CACNB4: variants seen among roughly 807,000 people sequenced by gnomAD.
The protein encoded by CACNB4 is voltage-dependent L-type calcium channel subunit beta-4.
CACNB4 carries 32 observed loss-of-function variants against 71.2 expected under a neutral mutation model. That is an observed-to-expected ratio of 0.45 (90% confidence interval 0.34 to 0.60). The LOEUF (loss-of-function observed/expected upper bound fraction) is 0.60, where lower values mean the gene tolerates loss of function less well. Ranked by LOEUF, CACNB4 falls within the 20% of genes least tolerant of loss-of-function variation. The pLI, the probability that CACNB4 is intolerant of heterozygous loss-of-function variation, is 0.01. For missense variants in CACNB4, 464 were observed against 647.9 expected (o/e 0.72, Z 3.08); for synonymous variants, 231 against 236.9 (o/e 0.97, Z 0.23).
intron 3 of CACNB4, among the ~76,000 whole-genome samples, 188 bp from the exon 4 acceptor site, chr2:151,881,110 C>T (rs2099847712): frequency 1.3e-5 from 2 of 152,136 alleles, no homozygotes; most frequent in South Asian, 2.1e-4. Context: ...GTCCTATCAG[C>T]CCAACCATTT....
intron 2 of CACNB4, among the ~76,000 whole-genome samples, chr2:152,039,429 A>G (rs976076813): frequency 6.6e-6 from 1 of 151,514 alleles, no homozygotes; most frequent in Non-Finnish European, 1.5e-5. Context: ...AAAAAAAAAA[A>G]GAATCTTACT....
intron 2 of CACNB4, among the ~76,000 whole-genome samples, chr2:152,011,160 A>T (rs549345871): frequency 1.3e-5 from 2 of 152,352 alleles, no homozygotes; most frequent in Admixed American, 1.3e-4. Context: ...GCATCTGTAC[A>T]GGTGAGAGCC....
chr2:152,045,564 T>G (rs1685104049), intron 2 of CACNB4, among the ~76,000 whole-genome samples: 1 of 152,056 alleles, frequency 6.6e-6, no homozygotes, highest in Non-Finnish European at 1.5e-5. Context: ...TGCCATTGAA[T>G]GTATACTTAA....
At chr2:151,924,228 A>G (rs1446483082) in intron 2 of CACNB4, among the ~76,000 whole-genome samples, 11 of 151,236 alleles carry the variant, frequency 7.3e-5, no homozygotes, top group Non-Finnish European at 1.0e-4. Context: ...ACAGGCGCCC[A>G]CTACCACTCC....
chr2:151,895,095 C>CA (rs1187125199), intron 2 of CACNB4, among the ~76,000 whole-genome samples: 949 of 11,098 alleles, frequency 0.086, 43 homozygotes, highest in African/African-American at 0.14. Context: ...CTCAAATAGC[C>CA]CCACACACAC....
chr2:151,932,853 G>T (rs548195820), intron 2 of CACNB4, among the ~76,000 whole-genome samples: 1 of 151,048 alleles, frequency 6.6e-6, no homozygotes, highest in African/African-American at 2.4e-5. Context: ...AAGGTGGGGG[G>T]TTGGGGAATT....
intron 2 of CACNB4, among the ~76,000 whole-genome samples, chr2:151,988,795 A>G (rs1681523086): frequency 1.3e-5 from 2 of 152,036 alleles, no homozygotes; most frequent in Admixed American, 1.3e-4. Context: ...CAAAGGCCCC[A>G]CCTCCCACTA....
chr2:152,089,058 C>T (rs951265715), intron 2 of CACNB4, among the ~76,000 whole-genome samples: 3 of 152,196 alleles, frequency 2.0e-5, no homozygotes, highest in South Asian at 4.1e-4. Context: ...TACAGTCCTA[C>T]CTCCCTGAGT....
chr2:151,934,786 G>A (rs888845623), intron 2 of CACNB4, among the ~76,000 whole-genome samples: 6 of 152,094 alleles, frequency 3.9e-5, no homozygotes. Context: ...GCAGTAAGCC[G>A]AGATCGCACC....
rs899022356 is a variant in CACNB4, at chr2:151,833,708, T to A, written c.*5411A>T. The A allele has an allele frequency of 6.6e-6, 1 of 152,076 alleles. No individual in the cohort carries two copies. The highest frequency in any genetic ancestry group is 1.5e-5 in the Non-Finnish European group (1 of 67,920). The allele number at this position is 152,076 out of a possible 1,614,324, so 9.4% of individuals were successfully genotyped here. A position where few individuals can be genotyped will look rare whatever the true frequency, so the allele number is the denominator to read the frequency against. On this transcript the variant is annotated 3_prime_UTR_variant, in exon 14 of 14. Coordinates refer to ENST00000539935, the MANE Select transcript of CACNB4 (RefSeq NM_000726.5). ...ACTTAGAACTAAATCGACATACTTT[T>A]AAAAAATATGACTGCCAAATTTAAC...
rs2099834266 is a variant in CACNB4, at chr2:151,833,614, T to C, written c.*5505A>G. On this transcript the variant is annotated 3_prime_UTR_variant, in exon 14 of 14. Transcript: ENST00000539935. ...ATTACATCCACAGATTGCAAGGCTA[T>C]GAAATAAATTGCTGGAAAAGTATCA... 1 of 152,084 alleles carries C rather than the reference T, an allele frequency of 6.6e-6. No individual in the cohort carries two copies. Among genetic ancestry groups the C allele is most frequent in the Non-Finnish European group, 1.5e-5 (1 of 67,942 alleles). The allele number at this position is 152,084 out of a possible 1,614,324, so 9.4% of individuals were successfully genotyped here.
At chr2:151,912,988 A>G (rs551875342) in intron 2 of CACNB4, among the ~76,000 whole-genome samples, 1 of 151,520 alleles carries the variant, frequency 6.6e-6, no homozygotes. Context: ...CTAGAATTGC[A>G]ACCCCTGCTT....
chr2:151,936,797 G>A (rs1235735727), intron 2 of CACNB4, among the ~76,000 whole-genome samples: 1 of 152,208 alleles, frequency 6.6e-6, no homozygotes, highest in Non-Finnish European at 1.5e-5. Context: ...TACATCATCA[G>A]TAAAAATGAG....
At chr2:152,088,544 A>G (rs72859816) in intron 2 of CACNB4, among the ~76,000 whole-genome samples, 1 of 152,250 alleles carries the variant, frequency 6.6e-6, no homozygotes, top group Non-Finnish European at 1.5e-5. Context: ...ATTTACTCCC[A>G]AAACAAATAC....
chr2:152,061,782 C>A (rs1163389078), intron 2 of CACNB4, among the ~76,000 whole-genome samples: 1 of 151,814 alleles, frequency 6.6e-6, no homozygotes, highest in Non-Finnish European at 1.5e-5. Context: ...GAGGCCGAGG[C>A]AGGCGGATCA....
At chr2:151,994,862 G>A (rs960462811) in intron 2 of CACNB4, among the ~76,000 whole-genome samples, 1 of 151,592 alleles carries the variant, frequency 6.6e-6, no homozygotes, top group South Asian at 2.1e-4. Context: ...TTGAACTCCT[G>A]GCCTCAAGTG....
At chr2:151,914,513 C>T (rs1384303689) in intron 2 of CACNB4, among the ~76,000 whole-genome samples, 1 of 152,174 alleles carries the variant, frequency 6.6e-6, no homozygotes, top group East Asian at 1.9e-4. Flanking sequence ...GTGCCCTTGA[C>T]AGAGAGATGG....
At chr2:152,015,978 AT>A (rs1471131164) in intron 2 of CACNB4, among the ~76,000 whole-genome samples, 1 of 152,234 alleles carries the variant, frequency 6.6e-6, no homozygotes, top group Non-Finnish European at 1.5e-5. Flanking sequence ...AAAATTAGGT[AT>A]TTACGCAAAA....
intron 2 of CACNB4, among the ~76,000 whole-genome samples, chr2:151,991,715 A>T (rs1681713343): frequency 6.6e-6 from 1 of 152,132 alleles, no homozygotes; most frequent in African/African-American, 2.4e-5. Context: ...TCTGGCTTCC[A>T]TTTTTTAAAA....
Sources: gnomAD v4.1 joint callset for allele counts (sites outside exome capture counted in the v4.1 genomes callset) on GRCh38, gnomAD v4.1.1 for gene constraint, MANE v1.5 for transcripts, NCBI Gene and HGNC (gene_info 2026-07-23, HGNC 2026-07-21) for gene names.